The following NEUROD4 variants were observed in gnomAD, a reference collection of about 807,000 sequenced individuals.
The protein encoded by NEUROD4 is neuronal differentiation 4, also known as neurogenic differentiation factor 4.
A neutral mutation model predicts 19.8 loss-of-function variants in NEUROD4; 16 were observed. The ratio of observed to expected loss-of-function variants is 0.81; its 90% confidence interval spans 0.55 to 1.23. NEUROD4 has a LOEUF of 1.23. NEUROD4 is among the 50% of genes most tolerant of loss of function. NEUROD4 has a pLI of 0.00. For missense variants in NEUROD4, 439 were observed against 398.6 expected (o/e 1.10, Z -0.86); for synonymous variants, 153 against 147.9 (o/e 1.03, Z -0.25).
chr12:55,029,390 T>TA lies in NEUROD4; in HGVS notation c.*1956dup, dbSNP rs1952768949. On this transcript the variant is annotated 3_prime_UTR_variant, in exon 2 of 2. Coordinates refer to ENST00000242994, the MANE Select transcript of NEUROD4 (RefSeq NM_021191.3). ...GTGCTTTCTGAGTATATACTGCACT[T>TA]ACCTTTGTGAGCGGCTGTAGGAGGG... 1 of 166,994 alleles carries TA rather than the reference T, an allele frequency of 6.0e-6. No homozygotes were observed. 10.3% of individuals were successfully genotyped at this position (166,994 alleles called of 1,614,324 possible).
rs921590333 is a variant in NEUROD4, at chr12:55,027,396, T to A, written c.957T>A (p.His319Gln). ...IDMSYDSYPH[H>Q]GIGTQLNTVF... ...TGTCCTATGATTCCTACCCCCATCA[T>A]GGTATTGGGACCCAACTCAATACAG... The change falls in exon 2 of 2, where the codon CAT becomes CAA. Residue 319 changes from histidine to glutamine, a missense_variant. By Grantham distance (24) the His-to-Gln change is conservative (BLOSUM62 0). Transcript: ENST00000242994. 2 of 1,613,094 alleles carry A rather than the reference T, an allele frequency of 1.2e-6. No homozygotes were observed. The highest frequency in any genetic ancestry group is 2.7e-5 in the African/African-American group (2 of 74,894).
In NEUROD4 at chr12:55,026,691, A is replaced by T; in HGVS notation, c.252A>T (p.Arg84Ser). 1 of 1,614,168 alleles carries T rather than the reference A, an allele frequency of 6.2e-7. No individual in the cohort carries two copies. Among genetic ancestry groups the T allele is most frequent in the Non-Finnish European group, 8.5e-7 (1 of 1,180,018 alleles). The change falls in exon 2 of 2, where the codon AGA (arginine) becomes AGT (serine). Residue 84 changes from arginine (R) to serine (S), a missense_variant. By Grantham distance (110) the Arg-to-Ser change is moderately radical. Transcript: ENST00000242994. ...AGATGACCAAAGCTCGCCTTGAGAG[A>T]TTCAGGGCTCGAAGAGTCAAGGCTA... ...KKKMTKARLE[R>S]FRARRVKANA... is the part of the protein sequence containing the mutation.
chr12:55,021,182 A>G (rs1952671584), intron 1 of NEUROD4, among the ~76,000 whole-genome samples: 1 of 152,206 alleles, frequency 6.6e-6, no homozygotes, highest in Non-Finnish European at 1.5e-5. Context: ...ATGCATGTAC[A>G]TACATGTGCA....
At position 55,026,998 on chromosome 12, in the gene NEUROD4, G is replaced by A. The variant is rs542126894; in HGVS notation, c.559G>A (p.Glu187Lys). Residue 187 changes from glutamate to lysine, a missense_variant, in exon 2 of 2, where the codon GAG becomes AAG. Coordinates refer to ENST00000242994, the MANE Select transcript of NEUROD4 (RefSeq NM_021191.3). ...GPQSVLLEKH[E>K]DKSPICDSAI... ...TCAGTCTGTCCTCCTGGAGAAGCAC[G>A]AGGATAAATCTCCTATTTGTGACTC... The A allele has an allele frequency of 8.3e-5, 134 of 1,614,122 alleles. No individual in the cohort carries two copies. The South Asian group carries it at 1.3e-3, about 16-fold the overall frequency.
At chr12:55,025,037 A>G (rs960500451) in intron 1 of NEUROD4, among the ~76,000 whole-genome samples, 1 of 152,250 alleles carries the variant, frequency 6.6e-6, no homozygotes, top group African/African-American at 2.4e-5. Context: ...CCTCTTTCTC[A>G]TAATAAAAGG....
At chr12:55,022,896 A>G (rs1952684136) in intron 1 of NEUROD4, among the ~76,000 whole-genome samples, 1 of 152,112 alleles carries the variant, frequency 6.6e-6, no homozygotes, top group South Asian at 2.1e-4. Flanking sequence ...ATCAATATTA[A>G]TAACAGATTC....
intron 1 of NEUROD4, among the ~76,000 whole-genome samples, chr12:55,022,091 CCTT>C (rs941463604): frequency 2.0e-5 from 3 of 152,114 alleles, no homozygotes; most frequent in Admixed American, 1.3e-4. Flanking sequence ...TGCATTATCT[CCTT>C]ATTTTTCATG....
In NEUROD4 at chr12:55,027,186, T is replaced by G; in HGVS notation, c.747T>G (p.Tyr249Ter). 2.5e-5 allele frequency: 41 copies of G among 1,614,112 alleles called. No individual in the cohort carries two copies. Among genetic ancestry groups the G allele is most frequent in the Non-Finnish European group, 3.5e-5 (41 of 1,180,010 alleles). Residue 249 changes from tyrosine to a stop codon, truncating the protein, a stop_gained, in exon 2 of 2, where the codon TAT becomes TAG. Transcript: ENST00000242994. LOFTEE classifies it high-confidence loss of function. ...SHLPDCSTPP[Y>*]EGPLTPPLSI... is the part of the protein sequence containing the mutation. ...TGCCTGACTGCAGTACACCCCCTTATGAGGGCCCACTCACTCCACCCCTGA... is the reference window on the plus strand; with the variant it reads ...TGCCTGACTGCAGTACACCCCCTTAGGAGGGCCCACTCACTCCACCCCTGA...
chr12:55,025,208 A>G (rs1336856495), intron 1 of NEUROD4, among the ~76,000 whole-genome samples: 1 of 152,362 alleles, frequency 6.6e-6, no homozygotes, highest in East Asian at 1.9e-4. Context: ...TGTTTACTAA[A>G]TCACTAGTCT....
Position 55,026,702 on chromosome 12 carries a change from G to T in NEUROD4, c.263G>T (p.Arg88Leu). 2 of 1,614,176 alleles carry T rather than the reference G, an allele frequency of 1.2e-6. No homozygotes were observed. The highest frequency in any genetic ancestry group is 1.7e-6 in the Non-Finnish European group (2 of 1,180,030). The change falls in exon 2 of 2, where the codon CGA becomes CTA. Residue 88 changes from arginine to leucine, a missense_variant. Physicochemically the swap from Arg to Leu is moderately radical, Grantham distance 102 (BLOSUM62 -2). Coordinates refer to ENST00000242994, the MANE Select transcript of NEUROD4 (RefSeq NM_021191.3). ...GCTCGCCTTGAGAGATTCAGGGCTC[G>T]AAGAGTCAAGGCTAATGCCAGAGAA... ...TKARLERFRARRVKANARERT... is the reference protein window; with the variant it reads ...TKARLERFRALRVKANARERT...
Position 55,027,097 on chromosome 12 carries a change from C to T in NEUROD4, c.658C>T (p.His220Tyr), listed in dbSNP as rs777820884. ...CCCTCCTTATGGTCATATGGAAACA[C>T]ATCTCCTTCATCTCAAGCCCCAAGT... is the stretch of plus-strand genomic sequence containing the variant. ...PSPPYGHMET[H>Y]LLHLKPQVFK... is the part of the protein sequence containing the mutation. Residue 220 changes from histidine to tyrosine, a missense_variant, in exon 2 of 2, where the codon CAT becomes TAT. Transcript: ENST00000242994. 2 of 1,614,152 alleles carry T rather than the reference C, an allele frequency of 1.2e-6. No homozygotes were observed. The highest frequency in any genetic ancestry group is 1.7e-6 in the Non-Finnish European group (2 of 1,180,006).
Position 55,027,347 on chromosome 12 carries a change from C to G in NEUROD4, c.908C>G (p.Pro303Arg). 2.5e-6 allele frequency: 4 copies of G among 1,614,050 alleles called. No individual in the cohort carries two copies. Among genetic ancestry groups the G allele is most frequent in the African/African-American group, 1.3e-5 (1 of 75,024 alleles). The change falls in exon 2 of 2, where the codon CCC (proline) becomes CGC (arginine). Residue 303 changes from proline (P) to arginine (R), a missense_variant. Pro to Arg is a moderately radical substitution (Grantham distance 103). Coordinates refer to ENST00000242994, the MANE Select transcript of NEUROD4 (RefSeq NM_021191.3). ...TCAACTCCTTTTCAGGCTGGTACCC[C>G]CCGTTATGATGTTCCTATAGACATG... ...VHSTPFQAGT[P>R]RYDVPIDMSY...
chr12:55,029,492 T>G lies in NEUROD4; in HGVS notation c.*2057T>G, dbSNP rs1952769745. The G allele has an allele frequency of 6.0e-6, 1 of 167,008 alleles. No individual in the cohort carries two copies. The highest frequency in any genetic ancestry group is 2.4e-5 in the African/African-American group (1 of 41,462). The allele number at this position is 167,008 out of a possible 1,614,324, so 10.3% of individuals were successfully genotyped here. ...GTTGTTTGAGTTATTTATTAGATAT[T>G]ATTTATTTAATTTATTTCTCTCTTC... On this transcript the variant is annotated 3_prime_UTR_variant, in exon 2 of 2. Coordinates refer to ENST00000242994, the MANE Select transcript of NEUROD4 (RefSeq NM_021191.3).
In NEUROD4 at chr12:55,027,645, AT is replaced by A. The variant is rs1952750840; in HGVS notation, c.*211del. On this transcript the variant is annotated 3_prime_UTR_variant, in exon 2 of 2. Transcript: ENST00000242994. ...TTCTTTATAGAGTCCTCAAGTGAAAATATTTGATGATTTAACAACCATGTGA... is the reference window on the plus strand; with the variant it reads ...TTCTTTATAGAGTCCTCAAGTGAAAAATTTGATGATTTAACAACCATGTGA... 5 of 488,106 alleles carry A rather than the reference AT, an allele frequency of 1.0e-5. No homozygotes were observed. In the South Asian group the frequency reaches 2.4e-4, roughly 23 times the overall value. 30.2% of individuals were successfully genotyped at this position (488,106 alleles called of 1,614,324 possible).
intron 1 of NEUROD4, among the ~76,000 whole-genome samples, chr12:55,025,253 A>G (rs1952714652): frequency 6.6e-6 from 1 of 152,210 alleles, no homozygotes; most frequent in African/African-American, 2.4e-5. Flanking sequence ...TTGCATACAA[A>G]ATTCTGATTA....
rs972764153 is a variant in NEUROD4 at position 55,029,565 on chromosome 12, C to T, written c.*2130C>T. 6.0e-6 allele frequency: 1 copy of T among 166,964 alleles called. No homozygotes were observed. Among genetic ancestry groups the T allele is most frequent in the Non-Finnish European group, 1.5e-5 (1 of 68,094 alleles). The allele number at this position is 166,964 out of a possible 1,614,324, so 10.3% of individuals were successfully genotyped here. On this transcript the variant is annotated 3_prime_UTR_variant, in exon 2 of 2. Transcript: ENST00000242994. ...CCCATAGATGTGCTTGCAAACCCTT[C>T]CTAAAATTTTATTTGGAAAGTAGCT...
intron 1 of NEUROD4, among the ~76,000 whole-genome samples, chr12:55,024,139 G>A (rs1952699216): frequency 6.6e-6 from 1 of 152,074 alleles, no homozygotes; most frequent in Non-Finnish European, 1.5e-5. Context: ...AGGATAAGGA[G>A]AAAAAGGGGG....
rs546481769 is a variant in NEUROD4 at position 55,028,107 on chromosome 12, C to T, written c.*672C>T. ...GTCACTGTGAAGAACAAAACATGTT[C>T]GTTAAGAGACTAACTCTATTTGTTA... is the stretch of plus-strand genomic sequence containing the variant. On this transcript the variant is annotated 3_prime_UTR_variant, in exon 2 of 2. Transcript: ENST00000242994. 1.7e-4 allele frequency: 29 copies of T among 167,008 alleles called. No individual in the cohort carries two copies. Among genetic ancestry groups the T allele is most frequent in the African/African-American group, 5.8e-4 (24 of 41,560 alleles). The allele number at this position is 167,008 out of a possible 1,614,324, so 10.3% of individuals were successfully genotyped here.
chr12:55,020,515 A>T (rs780001502), intron 1 of NEUROD4, among the ~76,000 whole-genome samples: 1 of 152,234 alleles, frequency 6.6e-6, no homozygotes, highest in Non-Finnish European at 1.5e-5. Flanking sequence ...ATTAAATTTT[A>T]TAGCACTTGC....
Sources: allele counts gnomAD v4.1 joint callset (sites outside exome capture counted in the v4.1 genomes callset), GRCh38; gene constraint gnomAD v4.1.1; transcripts MANE v1.5; gene names NCBI Gene and HGNC (gene_info 2026-07-23, HGNC 2026-07-21).